GPATCH2L: variants seen among roughly 807,000 people sequenced by gnomAD.
GPATCH2L encodes the protein G patch domain-containing protein 2-like.
In GPATCH2L, 31 loss-of-function variants were observed where a neutral mutation model predicts 57.4. That is an observed-to-expected ratio of 0.54 (90% CI 0.41 to 0.73). The LOEUF (loss-of-function observed/expected upper bound fraction) is 0.73, where lower values mean the gene tolerates loss of function less well. Among genes scored for constraint, GPATCH2L ranks in the 30% least tolerant of loss-of-function variants. GPATCH2L has a pLI of 0.00. For synonymous variants in GPATCH2L, 199 were observed against 210.7 expected (o/e 0.94, Z 0.48); for missense variants, 481 against 599.9 (o/e 0.80, Z 2.07).
Position 76,208,830 on chromosome 14 carries a change from C to T in GPATCH2L, c.*6979C>T, listed in dbSNP as rs2040408773. 1 of 152,192 alleles carries T rather than the reference C, an allele frequency of 6.6e-6. No individual in the cohort carries two copies. Among genetic ancestry groups the T allele is most frequent in the South Asian group, 2.1e-4 (1 of 4,820 alleles). The allele number at this position is 152,192 out of a possible 1,614,324, so 9.4% of individuals were successfully genotyped here. On this transcript the variant is annotated 3_prime_UTR_variant, in exon 10 of 10. Transcript: ENST00000261530. ...GCACTCTGTCCATTCTGCAGTCTAC[C>T]GAGGCAGTGGTTTTTAACCCTGGCT... is the stretch of plus-strand genomic sequence containing the variant.
chr14:76,168,595 T>C (rs2038949665), intron 3 of GPATCH2L, among the ~76,000 whole-genome samples: 3 of 152,198 alleles, frequency 2.0e-5, no homozygotes, highest in Non-Finnish European at 1.5e-5. Flanking sequence ...CGGCATGGAC[T>C]TCCTATGGCA....
At chr14:76,225,878 T>G (rs2040534602) in intron 1 of GPATCH2L, among the ~76,000 whole-genome samples, 1 of 152,190 alleles carries the variant, frequency 6.6e-6, no homozygotes, top group Non-Finnish European at 1.5e-5. Flanking sequence ...ACATCATTAG[T>G]CATCCATGAA....
chr14:76,158,395 A>G (rs987968354), intron 2 of GPATCH2L, among the ~76,000 whole-genome samples: 31 of 152,210 alleles, frequency 2.0e-4, no homozygotes, highest in Non-Finnish European at 3.7e-4. Flanking sequence ...AGAAGCAAGA[A>G]TAAGTGGGAG....
chr14:76,159,305 A>G (rs1326537045), intron 2 of GPATCH2L, among the ~76,000 whole-genome samples: 2 of 152,228 alleles, frequency 1.3e-5, no homozygotes, highest in Non-Finnish European at 1.5e-5. Context: ...ACTGGCAGTC[A>G]TCTTCAAAGA....
In GPATCH2L at chr14:76,212,405, A is replaced by T. The variant is rs1454561832; in HGVS notation, c.*10554A>T. 6.6e-6 allele frequency: 1 copy of T among 151,980 alleles called. No homozygotes were observed. The highest frequency in any genetic ancestry group is 1.5e-5 in the Non-Finnish European group (1 of 67,976). The allele number at this position is 151,980 out of a possible 1,614,324, so 9.4% of individuals were successfully genotyped here. A position where few individuals can be genotyped will look rare whatever the true frequency, so the allele number is the denominator to read the frequency against. Reference sequence around the variant, plus strand: ...GAACTTAGGGAAAAGGAACCGGAAAAAAAAAAACCAAAAAAAACCACGACA... The same window carrying T: ...GAACTTAGGGAAAAGGAACCGGAAATAAAAAAACCAAAAAAAACCACGACA... On this transcript the variant is annotated 3_prime_UTR_variant, in exon 10 of 10. Transcript: ENST00000261530.
chr14:76,232,814 CAGGGA>C (rs1166694592), intron 2 of GPATCH2L, among the ~76,000 whole-genome samples: 1 of 152,156 alleles, frequency 6.6e-6, no homozygotes, highest in Non-Finnish European at 1.5e-5. Context: ...TATTGGCAAC[CAGGGA>C]AGCTCACTCG....
chr14:76,192,476 G>T (rs1233675777), intron 8 of GPATCH2L, among the ~76,000 whole-genome samples: 2 of 152,092 alleles, frequency 1.3e-5, no homozygotes, highest in Non-Finnish European at 2.9e-5. Context: ...GGTCTTAAGA[G>T]AAATGTTTTA....
intron 2 of GPATCH2L, among the ~76,000 whole-genome samples, chr14:76,160,065 C>T (rs1189578247): frequency 1.3e-5 from 2 of 150,384 alleles, no homozygotes; most frequent in East Asian, 2.0e-4. Context: ...ACCCGGGAGG[C>T]GGAGCTTGCA....
At chr14:76,152,907 C>T (rs971254744) in intron 1 of GPATCH2L, 8 of 365,636 alleles carry the variant, frequency 2.2e-5, no homozygotes, top group Non-Finnish European at 3.2e-5. Flanking sequence ...GGACAGTTGT[C>T]TCCCAAACCT....
chr14:76,230,121 G>A (rs1033559446), intron 2 of GPATCH2L, among the ~76,000 whole-genome samples: 12 of 152,182 alleles, frequency 7.9e-5, no homozygotes, highest in African/African-American at 1.4e-4. Context: ...TTCCTGGTGG[G>A]CACCTCATTC....
chr14:76,221,377 C>A (rs1459320198), intron 1 of GPATCH2L, among the ~76,000 whole-genome samples: 3 of 152,110 alleles, frequency 2.0e-5, no homozygotes, highest in Non-Finnish European at 1.5e-5. Context: ...GCAACAGGAA[C>A]GCTAATGGGA....
intron 8 of GPATCH2L, among the ~76,000 whole-genome samples, chr14:76,186,265 G>C (rs1417121383): frequency 6.6e-6 from 1 of 152,076 alleles, no homozygotes; most frequent in African/African-American, 2.4e-5. Context: ...AAAAAAGAGA[G>C]AGAGACCTTC....
At chr14:76,196,308 C>G (rs1473202058) in intron 9 of GPATCH2L, 1 of 599,686 alleles carries the variant, frequency 1.7e-6, no homozygotes, top group African/African-American at 1.9e-5. Context: ...GGCAGTCACA[C>G]AGGGTTATTT....
At chr14:76,156,765 A>G (rs555259188) in intron 2 of GPATCH2L, among the ~76,000 whole-genome samples, 2 of 152,326 alleles carry the variant, frequency 1.3e-5, no homozygotes, top group Admixed American at 1.3e-4. Flanking sequence ...AAACTACGAC[A>G]TAATTGTATG....
intron 8 of GPATCH2L, 50 bp from the exon 9 acceptor site, chr14:76,195,828 C>G: frequency 7.4e-7 from 1 of 1,348,626 alleles, no homozygotes; most frequent in South Asian, 1.2e-5. Flanking sequence ...TAATGTCTTA[C>G]AATAAGAATT....
intron 2 of GPATCH2L, among the ~76,000 whole-genome samples, chr14:76,156,923 A>G (rs189783937): frequency 2.0e-5 from 3 of 152,346 alleles, no homozygotes; most frequent in Admixed American, 1.3e-4. Flanking sequence ...AGGATGTAAT[A>G]ATGTAAATTC....
chr14:76,163,847 G>T (rs545864232), intron 2 of GPATCH2L, among the ~76,000 whole-genome samples: 2 of 152,192 alleles, frequency 1.3e-5, no homozygotes, highest in African/African-American at 2.4e-5. Context: ...TTCTATTTAC[G>T]TAACATTCAC....
At chr14:76,180,354 C>T (rs185697667) in intron 7 of GPATCH2L, among the ~76,000 whole-genome samples, 13 of 152,154 alleles carry the variant, frequency 8.5e-5, no homozygotes, top group African/African-American at 3.1e-4. Context: ...ATGTGTCAAC[C>T]GGTTATTCTT....
chr14:76,178,344 T>A, intron 7 of GPATCH2L: 1 of 1,044,078 alleles, frequency 9.6e-7, no homozygotes, highest in Non-Finnish European at 1.3e-6. Flanking sequence ...TTGGGTGAAG[T>A]GGGGTCAAAG....
Sources: allele counts gnomAD v4.1 joint callset (sites outside exome capture counted in the v4.1 genomes callset), GRCh38; gene constraint gnomAD v4.1.1; transcripts MANE v1.5; gene names NCBI Gene and HGNC (gene_info 2026-07-23, HGNC 2026-07-21).